PTK2: variants seen among roughly 807,000 people sequenced by gnomAD.
PTK2 encodes protein tyrosine kinase 2, also known as focal adhesion kinase 1.
PTK2 carries 45 observed loss-of-function variants against 150.1 expected under a neutral mutation model. The observed-to-expected ratio is 0.30, with a 90% CI of 0.24 to 0.38. PTK2 has a LOEUF of 0.38. Ranked by LOEUF, PTK2 falls within the 10% of genes least tolerant of loss-of-function variation. The probability of loss-of-function intolerance (pLI) is 1.00; values close to 1 mark genes in which losing one functional copy is unlikely to be tolerated. For missense variants in PTK2, 919 were observed against 1,307.3 expected, an observed-to-expected ratio of 0.70 and a Z score of 4.58; for synonymous variants, 432 against 449.2, an observed-to-expected ratio of 0.96 and a Z score of 0.48.
intron 21 of PTK2, among the ~76,000 whole-genome samples, chr8:140,736,443 T>C (rs1044337735): frequency 1.3e-5 from 2 of 151,476 alleles, no homozygotes; most frequent in African/African-American, 4.9e-5. Context: ...ATTTGGGTGA[T>C]AGGTTCAACT....
intron 27 of PTK2, among the ~76,000 whole-genome samples, chr8:140,683,702 T>C (rs1326005781): frequency 1.3e-5 from 2 of 149,988 alleles, no homozygotes; most frequent in African/African-American, 4.9e-5. Flanking sequence ...GTTCAACATA[T>C]GAAAATCAAT....
chr8:140,678,916 CCTT>C (rs753446670), intron 27 of PTK2, among the ~76,000 whole-genome samples: 46 of 150,428 alleles, frequency 3.1e-4, no homozygotes, highest in Non-Finnish European at 5.8e-4. Context: ...AAATCCATGC[CCTT>C]TTTTTTTTAA....
chr8:140,802,311 T>G (rs2154593862), intron 11 of PTK2, among the ~76,000 whole-genome samples: 1 of 151,990 alleles, frequency 6.6e-6, no homozygotes, highest in South Asian at 2.1e-4. Flanking sequence ...ACAAAAAAGC[T>G]GAAAAAGTAA....
rs75331820 is a variant in PTK2 at position 140,714,918 on chromosome 8, G to A, written c.2142+2680C>T. ...TCTCACTTCACAAAGTATAGGAAGT[G>A]AGGAAATACTGGCCTACCATCTTGG... On this transcript the variant is annotated intron_variant, in intron 23 of 31. Coordinates refer to ENST00000522684, the Ensembl canonical transcript of PTK2. 4.5e-3 allele frequency among the ~76,000 whole-genome samples: 679 copies of A among 151,152 alleles called. 5 individuals are homozygous for A. Among genetic ancestry groups the A allele is most frequent in the African/African-American group, 0.015 (629 of 41,224 alleles).
intron 15 of PTK2, among the ~76,000 whole-genome samples, chr8:140,762,807 G>T (rs1224801231): frequency 6.6e-6 from 1 of 151,836 alleles, no homozygotes; most frequent in African/African-American, 2.4e-5. Flanking sequence ...CTGAGACAGG[G>T]TCTCACTCTG....
chr8:140,838,240 T>C lies in PTK2; in HGVS notation c.594-7714A>G, dbSNP rs149572664. On this transcript the variant is annotated intron_variant, in intron 7 of 31. Coordinates refer to ENST00000522684, the Ensembl canonical transcript of PTK2. ...CTAATAAGAAACAAGCAGTATTCTG[T>C]ATTCATGTATAATTCCTTTCTGTAC... 4.5e-3 allele frequency among the ~76,000 whole-genome samples: 687 copies of C among 152,332 alleles called. 4 individuals are homozygous for C. The highest frequency in any genetic ancestry group is 0.016 in the African/African-American group (650 of 41,578).
chr8:140,949,687 T>A (rs1287556800), intron 1 of PTK2, among the ~76,000 whole-genome samples: 1 of 152,118 alleles, frequency 6.6e-6, no homozygotes, highest in Non-Finnish European at 1.5e-5. Context: ...GAGCTGAGGG[T>A]GGCTCAGTGT....
chr8:140,931,627 A>C (rs948026988), intron 1 of PTK2, among the ~76,000 whole-genome samples: 2 of 152,144 alleles, frequency 1.3e-5, no homozygotes, highest in African/African-American at 4.8e-5. Flanking sequence ...TTCTTGCATA[A>C]ATTTTTGATT....
chr8:140,911,593 T>C (rs753099449), intron 2 of PTK2, among the ~76,000 whole-genome samples: 1 of 152,168 alleles, frequency 6.6e-6, no homozygotes, highest in Non-Finnish European at 1.5e-5. Context: ...AAAATACACA[T>C]ACATACATAT....
At chr8:140,752,406 T>C (rs957453682) in intron 16 of PTK2, 90 bp from the exon 20 acceptor site, 25 of 1,151,836 alleles carry the variant, frequency 2.2e-5, no homozygotes, top group East Asian at 1.7e-4. Flanking sequence ...TTTGCAACTA[T>C]GTGGGTTATG....
chr8:140,810,220 T>C (rs1251870903), intron 10 of PTK2, among the ~76,000 whole-genome samples: 1 of 152,224 alleles, frequency 6.6e-6, no homozygotes, highest in Non-Finnish European at 1.5e-5. Context: ...TGCTAGGGAT[T>C]GCAGCCAGCT....
At chr8:140,692,724 T>C (rs552306184) in intron 26 of PTK2, among the ~76,000 whole-genome samples, 1 of 152,300 alleles carries the variant, frequency 6.6e-6, no homozygotes, top group African/African-American at 2.4e-5. Flanking sequence ...TTAAGGTTTA[T>C]AGCTCAGTCT....
At chr8:140,899,997 T>C (rs773119494) in intron 2 of PTK2, among the ~76,000 whole-genome samples, 5 of 152,058 alleles carry the variant, frequency 3.3e-5, no homozygotes, top group Non-Finnish European at 7.4e-5. Context: ...CAAACTAACA[T>C]CGAGCTGAGG....
In PTK2 at chr8:140,875,766, C is replaced by T. The variant is rs113900762; in HGVS notation, c.362+3705G>A. On this transcript the variant is annotated intron_variant, in intron 4 of 31. Transcript: ENST00000522684. ...ACTAATTTGTTTCTCAGTTTCCCTG[C>T]CTCCATCCAATCAAATGTATGATTT... 5.3e-3 allele frequency among the ~76,000 whole-genome samples: 802 copies of T among 152,258 alleles called. 9 individuals are homozygous for T. Among genetic ancestry groups the T allele is most frequent in the African/African-American group, 0.018 (731 of 41,542 alleles).
Position 140,759,498 on chromosome 8 carries a change from T to C in PTK2, c.1332+1667A>G, listed in dbSNP as rs1198566048. The stretch of plus-strand genomic sequence containing the variant: ...GCAGAGAGCCATGATTGTACCACTG[T>C]ACTCCCTTGGTGACAGAGTAAGACC... On this transcript the variant is annotated intron_variant, in intron 16 of 31. Coordinates refer to ENST00000522684, the Ensembl canonical transcript of PTK2. Among the ~76,000 whole-genome samples, 7 of 131,710 alleles carry C rather than the reference T, an allele frequency of 5.3e-5. No homozygotes were observed. In the South Asian group the frequency reaches 7.0e-4, roughly 13 times the overall value. 86.4% of individuals were successfully genotyped at this position (131,710 alleles called of 152,430 possible). A position where few individuals can be genotyped will look rare whatever the true frequency, so the allele number is the denominator to read the frequency against.
chr8:140,755,924 A>C (rs1027443769), intron 16 of PTK2, among the ~76,000 whole-genome samples: 1 of 152,262 alleles, frequency 6.6e-6, no homozygotes, highest in Non-Finnish European at 1.5e-5. Context: ...ATGTTCTAGA[A>C]AAAGGATTTA....
At chr8:140,991,798 C>A (rs1338665661) in intron 1 of PTK2, among the ~76,000 whole-genome samples, 1 of 151,900 alleles carries the variant, frequency 6.6e-6, no homozygotes, top group Non-Finnish European at 1.5e-5. Context: ...TGCTTGAGCC[C>A]AGGAATTCAA....
intron 16 of PTK2, among the ~76,000 whole-genome samples, chr8:140,759,950 A>T (rs894116312): frequency 6.6e-6 from 1 of 151,518 alleles, no homozygotes; most frequent in Non-Finnish European, 1.5e-5. Context: ...AGGGCCGGGC[A>T]CGATGGCTCA....
chr8:140,791,456 C>T (rs891390310), intron 13 of PTK2, among the ~76,000 whole-genome samples: 1 of 152,196 alleles, frequency 6.6e-6, no homozygotes, highest in Non-Finnish European at 1.5e-5. Flanking sequence ...ACTGCTGATG[C>T]TGTAGAGTGC....
Sources: allele counts gnomAD v4.1 joint callset (sites outside exome capture counted in the v4.1 genomes callset), GRCh38; gene constraint gnomAD v4.1.1; transcripts MANE v1.5; gene names NCBI Gene and HGNC (gene_info 2026-07-23, HGNC 2026-07-21).